The following CLOCK variants were observed in gnomAD, a reference collection of about 807,000 sequenced individuals.
CLOCK encodes circadian locomoter output cycles protein kaput.
A neutral mutation model predicts 118.4 loss-of-function variants in CLOCK; 43 were observed. That is an observed-to-expected ratio of 0.36 (90% CI 0.28 to 0.47). The LOEUF is 0.47. Ranked by LOEUF, CLOCK falls within the 20% of genes least tolerant of loss-of-function variation. CLOCK has a pLI of 1.00. For missense variants in CLOCK, 846 were observed against 999.9 expected (o/e 0.85, Z 2.08); for synonymous variants, 326 against 339.2 (o/e 0.96, Z 0.43).
At chr4:55,499,397 C>T (rs1728287329) in intron 2 of CLOCK, among the ~76,000 whole-genome samples, 1 of 152,222 alleles carries the variant, frequency 6.6e-6, no homozygotes, top group Non-Finnish European at 1.5e-5. Context: ...CTGGACAAAA[C>T]TGTTCCACTT....
chr4:55,525,743 TA>T (rs1422722444), intron 1 of CLOCK, among the ~76,000 whole-genome samples: 3 of 152,104 alleles, frequency 2.0e-5, no homozygotes, highest in Admixed American at 6.5e-5. Flanking sequence ...GTGCTGGAAT[TA>T]CAAGCATGAG....
chr4:55,525,063 A>G (rs1019083431), intron 1 of CLOCK, among the ~76,000 whole-genome samples: 1 of 152,234 alleles, frequency 6.6e-6, no homozygotes, highest in Non-Finnish European at 1.5e-5. Flanking sequence ...ATTTGTTATG[A>G]ATGAAATGAA....
intron 1 of CLOCK, among the ~76,000 whole-genome samples, chr4:55,536,450 C>T (rs929113004): frequency 6.6e-6 from 1 of 152,060 alleles, no homozygotes; most frequent in African/African-American, 2.4e-5. Flanking sequence ...TGGTTTAGTA[C>T]CATCTCCTCG....
At chr4:55,527,661 T>C (rs767629400) in intron 1 of CLOCK, among the ~76,000 whole-genome samples, 63 of 152,164 alleles carry the variant, frequency 4.1e-4, no homozygotes, top group Non-Finnish European at 8.4e-4. Flanking sequence ...AAGGCATTTT[T>C]GAAAAAGCTG....
intron 8 of CLOCK, among the ~76,000 whole-genome samples, chr4:55,467,586 A>G (rs1006916574): frequency 2.0e-5 from 3 of 152,246 alleles, no homozygotes; most frequent in Non-Finnish European, 4.4e-5. Context: ...TTCTGTAAAC[A>G]TGACAAAACC....
chr4:55,459,503 C>T (rs1245443374), intron 9 of CLOCK, among the ~76,000 whole-genome samples: 1 of 152,190 alleles, frequency 6.6e-6, no homozygotes, highest in East Asian at 1.9e-4. Context: ...TTTTTAGCTA[C>T]TCATCCTTTT....
At position 55,432,532 on chromosome 4, in the gene CLOCK, A is replaced by C. The variant is rs1371163201; in HGVS notation, c.*2883T>G. The C allele has an allele frequency of 7.6e-6, 1 of 131,582 alleles. No individual in the cohort carries two copies. Among genetic ancestry groups the C allele is most frequent in the Non-Finnish European group, 1.6e-5 (1 of 63,432 alleles). 8.2% of individuals were successfully genotyped at this position (131,582 alleles called of 1,614,324 possible). On this transcript the variant is annotated 3_prime_UTR_variant, in exon 23 of 23. Transcript: ENST00000513440. ...TTTCTATTTGGTATCTTTAAATGCT[A>C]TAGATTTGGGATTTTAACTAACAGC...
chr4:55,533,039 A>G (rs184203175), intron 1 of CLOCK, among the ~76,000 whole-genome samples: 1 of 152,360 alleles, frequency 6.6e-6, no homozygotes, highest in African/African-American at 2.4e-5. Context: ...TAAAATGTCC[A>G]TACTACCTAA....
At chr4:55,475,088 G>A (rs184015036) in intron 7 of CLOCK, among the ~76,000 whole-genome samples, 22 of 152,292 alleles carry the variant, frequency 1.4e-4, no homozygotes, top group Admixed American at 4.6e-4. Context: ...GAATTCACCC[G>A]TCTAGATGGC....
At chr4:55,528,972 G>A (rs1456321928) in intron 1 of CLOCK, among the ~76,000 whole-genome samples, 1 of 152,078 alleles carries the variant, frequency 6.6e-6, no homozygotes, top group Non-Finnish European at 1.5e-5. Flanking sequence ...TGTACAAAGA[G>A]TTGCCAGTCT....
At chr4:55,460,566 G>A (rs1391290854) in intron 9 of CLOCK, among the ~76,000 whole-genome samples, 4 of 152,096 alleles carry the variant, frequency 2.6e-5, no homozygotes, top group Non-Finnish European at 5.9e-5. Context: ...TTTCACCAAG[G>A]AAGCCTGCCA....
At chr4:55,462,809 A>T (rs1221816175) in intron 9 of CLOCK, among the ~76,000 whole-genome samples, 1 of 151,554 alleles carries the variant, frequency 6.6e-6, no homozygotes, top group Non-Finnish European at 1.5e-5. Context: ...CTGAAAGGCC[A>T]TCCACTCTTA....
chr4:55,538,140 C>G (rs1731023301), intron 1 of CLOCK, among the ~76,000 whole-genome samples: 1 of 152,162 alleles, frequency 6.6e-6, no homozygotes, highest in African/African-American at 2.4e-5. Context: ...ATTACACTTT[C>G]TACAGATATT....
At chr4:55,514,620 T>A (rs1729373848) in intron 1 of CLOCK, among the ~76,000 whole-genome samples, 1 of 151,662 alleles carries the variant, frequency 6.6e-6, no homozygotes. Context: ...CATGAATGGG[T>A]GTTGGGTTCT....
intron 2 of CLOCK, among the ~76,000 whole-genome samples, chr4:55,492,505 T>C (rs1017598047): frequency 1.3e-5 from 2 of 152,058 alleles, no homozygotes; most frequent in Admixed American, 6.6e-5. Flanking sequence ...AATAAAATAA[T>C]CAAAGATGCA....
At chr4:55,492,731 G>C (rs887884607) in intron 2 of CLOCK, among the ~76,000 whole-genome samples, 2 of 152,112 alleles carry the variant, frequency 1.3e-5, no homozygotes, top group Non-Finnish European at 2.9e-5. Flanking sequence ...TGTAATCCCA[G>C]TTACTCGGGA....
At chr4:55,519,132 G>T (rs144104594) in intron 1 of CLOCK, among the ~76,000 whole-genome samples, 1 of 151,846 alleles carries the variant, frequency 6.6e-6, no homozygotes, top group African/African-American at 2.4e-5. Flanking sequence ...ATTGACTACC[G>T]CCTCAAACTC....
At chr4:55,516,549 G>T (rs1002838100) in intron 1 of CLOCK, among the ~76,000 whole-genome samples, 1 of 152,112 alleles carries the variant, frequency 6.6e-6, no homozygotes, top group Non-Finnish European at 1.5e-5. Flanking sequence ...TTAGCATATT[G>T]TATTTTTCTC....
At chr4:55,478,718 TA>T in intron 6 of CLOCK, 96 bp downstream of exon 6, 4 of 1,226,344 alleles carry the variant, frequency 3.3e-6, no homozygotes, top group Non-Finnish European at 4.7e-6. Flanking sequence ...TTCTCTCTCT[TA>T]AAAAAGCCAA....
Sources: allele counts gnomAD v4.1 joint callset (sites outside exome capture counted in the v4.1 genomes callset), GRCh38; gene constraint gnomAD v4.1.1; transcripts MANE v1.5; gene names NCBI Gene and HGNC (gene_info 2026-07-23, HGNC 2026-07-21).